KCNIP4: variants seen among roughly 807,000 people sequenced by gnomAD.
KCNIP4 encodes the protein potassium voltage-gated channel interacting protein 4.
Under a neutral mutation model 34.0 loss-of-function variants are expected in KCNIP4, and 12 were observed. The observed-to-expected ratio is 0.35, with a 90% CI of 0.23 to 0.57. The LOEUF (loss-of-function observed/expected upper bound fraction) is 0.57. Ranked by LOEUF, KCNIP4 falls within the 20% of genes least tolerant of loss-of-function variation. KCNIP4 has a pLI of 0.83. For missense variants in KCNIP4, 238 were observed against 311.7 expected, an observed-to-expected ratio of 0.76 and a Z score of 1.78; for synonymous variants, 124 against 102.2, an observed-to-expected ratio of 1.21 and a Z score of -1.29.
At position 20,991,963 on chromosome 4, in the gene KCNIP4, C is replaced by T. The variant is rs535378296; in HGVS notation, c.62-109254G>A. On this transcript the variant is annotated intron_variant, in intron 1 of 8. Coordinates refer to ENST00000382152, the MANE Select transcript of KCNIP4 (RefSeq NM_025221.6). ...ACTGACTTGGGTGTCCTCAGAGCTGCGTAAGCTCATTTCTTGCACCACAAC... is the reference window on the plus strand; with the variant it reads ...ACTGACTTGGGTGTCCTCAGAGCTGTGTAAGCTCATTTCTTGCACCACAAC... 2.6e-5 allele frequency among the ~76,000 whole-genome samples: 4 copies of T among 152,276 alleles called. No homozygotes were observed. The South Asian group carries it at 6.2e-4, about 24-fold the overall frequency.
intron 1 of KCNIP4, among the ~76,000 whole-genome samples, chr4:21,740,743 G>GA (rs1211844611): frequency 6.6e-6 from 1 of 152,002 alleles, no homozygotes; most frequent in Admixed American, 6.6e-5. Context: ...AATCATGAAT[G>GA]AAAAAATCTG....
chr4:21,889,321 G>T (rs1726957353), intron 1 of KCNIP4, among the ~76,000 whole-genome samples: 1 of 151,712 alleles, frequency 6.6e-6, no homozygotes, highest in Admixed American at 6.6e-5. Flanking sequence ...GTTTAGATTT[G>T]GGTCCCATCC....
intron 1 of KCNIP4, among the ~76,000 whole-genome samples, chr4:21,496,251 T>A (rs1489953302): frequency 6.6e-6 from 1 of 151,938 alleles, no homozygotes; most frequent in Non-Finnish European, 1.5e-5. Flanking sequence ...AAAACCTGAG[T>A]GCTAGAGCTA....
chr4:20,929,680 T>C (rs1264876264), intron 1 of KCNIP4, among the ~76,000 whole-genome samples: 3 of 151,972 alleles, frequency 2.0e-5, no homozygotes, highest in Admixed American at 6.6e-5. Context: ...ATTAATTCAG[T>C]AAACTTGCAG....
At chr4:21,831,949 TA>T (rs1202629844) in intron 1 of KCNIP4, among the ~76,000 whole-genome samples, 1 of 152,056 alleles carries the variant, frequency 6.6e-6, no homozygotes, top group Non-Finnish European at 1.5e-5. Flanking sequence ...AAAAAGATCA[TA>T]TACCAGAAAT....
chr4:21,497,516 G>A (rs1043534667), intron 1 of KCNIP4, among the ~76,000 whole-genome samples: 3 of 152,000 alleles, frequency 2.0e-5, no homozygotes, highest in African/African-American at 7.2e-5. Context: ...TAATCTCTGT[G>A]GCACTCCCTG....
intron 1 of KCNIP4, among the ~76,000 whole-genome samples, chr4:21,103,148 CTTTTA>C (rs1748097083): frequency 2.0e-5 from 3 of 151,670 alleles, no homozygotes; most frequent in East Asian, 1.9e-4. Context: ...GTTAAAAGAA[CTTTTA>C]TTTAAATAAC....
chr4:20,752,425 ACT>A (rs1399199319), intron 4 of KCNIP4: 2 of 152,172 alleles, frequency 1.3e-5, no homozygotes, highest in Admixed American at 6.5e-5. Context: ...AATCCTATAT[ACT>A]TATTAAAATT....
chr4:21,421,409 G>C (rs1416039721), intron 1 of KCNIP4, among the ~76,000 whole-genome samples: 1 of 152,094 alleles, frequency 6.6e-6, no homozygotes, highest in Non-Finnish European at 1.5e-5. Flanking sequence ...AGAAAATGTG[G>C]TATATATACA....
At chr4:21,826,884 G>C (rs995100901) in intron 1 of KCNIP4, among the ~76,000 whole-genome samples, 1 of 151,966 alleles carries the variant, frequency 6.6e-6, no homozygotes. Context: ...AGTAAATACT[G>C]AAAACCTAAA....
At chr4:20,864,161 CAT>C (rs1722571599) in intron 2 of KCNIP4, among the ~76,000 whole-genome samples, 1 of 149,322 alleles carries the variant, frequency 6.7e-6, no homozygotes, top group Non-Finnish European at 1.5e-5. Flanking sequence ...TATGCATACA[CAT>C]GTATGTATAC....
chr4:21,348,627 A>T (rs1717700586), intron 1 of KCNIP4, among the ~76,000 whole-genome samples: 1 of 152,206 alleles, frequency 6.6e-6, no homozygotes. Context: ...TTTAAATAGC[A>T]AAAATTTTAT....
At chr4:21,036,719 C>T (rs536615181) in intron 1 of KCNIP4, among the ~76,000 whole-genome samples, 7 of 152,248 alleles carry the variant, frequency 4.6e-5, no homozygotes, top group Admixed American at 2.6e-4. Flanking sequence ...AGCGAGACTC[C>T]GTCTCAAAAA....
intron 1 of KCNIP4, among the ~76,000 whole-genome samples, chr4:21,591,929 T>C (rs1464354288): frequency 6.6e-6 from 1 of 152,098 alleles, no homozygotes; most frequent in Non-Finnish European, 1.5e-5. Flanking sequence ...TCTAATTGAA[T>C]GACTTGGCGA....
chr4:21,582,485 T>C (rs910583565), intron 1 of KCNIP4: 9 of 151,926 alleles, frequency 5.9e-5, no homozygotes, highest in African/African-American at 2.2e-4. Flanking sequence ...AAATATACTT[T>C]AGACTTTAAA....
chr4:21,325,249 A>G (rs531867102), intron 1 of KCNIP4, among the ~76,000 whole-genome samples: 47 of 151,316 alleles, frequency 3.1e-4, no homozygotes, highest in African/African-American at 9.2e-4. Context: ...TTTTTCTTGG[A>G]TATTTTTTAT....
intron 1 of KCNIP4, among the ~76,000 whole-genome samples, chr4:21,084,438 G>T (rs778517571): frequency 6.7e-6 from 1 of 149,536 alleles, no homozygotes; most frequent in Non-Finnish European, 1.5e-5. Context: ...ATGACATTAC[G>T]TGGGCTATGA....
chr4:20,947,921 A>G (rs769486517), intron 1 of KCNIP4, among the ~76,000 whole-genome samples: 3 of 152,180 alleles, frequency 2.0e-5, no homozygotes, highest in Non-Finnish European at 4.4e-5. Context: ...GTTCCAACTC[A>G]TCACTGATTA....
chr4:20,895,633 C>A (rs1457984122), intron 1 of KCNIP4, among the ~76,000 whole-genome samples: 1 of 152,118 alleles, frequency 6.6e-6, no homozygotes, highest in African/African-American at 2.4e-5. Flanking sequence ...CAATAAAAGT[C>A]TTTATTCATT....
Sources: gnomAD v4.1 joint callset for allele counts (sites outside exome capture counted in the v4.1 genomes callset) on GRCh38, gnomAD v4.1.1 for gene constraint, MANE v1.5 for transcripts, NCBI Gene and HGNC (gene_info 2026-07-23, HGNC 2026-07-21) for gene names.